Variants in USP43 observed in about 807,000 individuals in gnomAD.
The protein encoded by USP43 is ubiquitin carboxyl-terminal hydrolase 43.
In USP43, 33 loss-of-function variants were observed where a neutral mutation model predicts 90.7. That is an observed-to-expected ratio of 0.36 (90% confidence interval 0.28 to 0.49). USP43 has a LOEUF of 0.49. USP43 is among the 20% of genes least tolerant of loss of function. The probability of loss-of-function intolerance (pLI) is 0.98; values close to 1 mark genes in which losing one functional copy is unlikely to be tolerated. For synonymous variants in USP43, 598 were observed against 615.8 expected (o/e 0.97, Z 0.43); for missense variants, 1,274 against 1,476.4 (o/e 0.86, Z 2.25).
At chr17:9,717,205 T>C (rs1916627441) in intron 14 of USP43, among the ~76,000 whole-genome samples, 1 of 151,124 alleles carries the variant, frequency 6.6e-6, no homozygotes, top group Non-Finnish European at 1.5e-5. Flanking sequence ...ATAGTTTACA[T>C]GTTTACATTT....
intron 14 of USP43, among the ~76,000 whole-genome samples, chr17:9,714,841 A>G (rs2151996784): frequency 6.6e-6 from 1 of 152,272 alleles, no homozygotes; most frequent in East Asian, 1.9e-4. Flanking sequence ...TGAAAAAAAG[A>G]GAATCTTAAG....
intron 9 of USP43, among the ~76,000 whole-genome samples, chr17:9,699,037 A>G (rs1179000904): frequency 6.6e-6 from 1 of 152,168 alleles, no homozygotes; most frequent in Non-Finnish European, 1.5e-5. Context: ...AGAATGGAAT[A>G]TTTGTCACAT....
intron 14 of USP43, among the ~76,000 whole-genome samples, chr17:9,713,184 G>A (rs113313845): frequency 2.0e-5 from 3 of 152,178 alleles, no homozygotes; most frequent in African/African-American, 7.2e-5. Flanking sequence ...TGCCTCCCGG[G>A]TTCGAGCAAT....
intron 1 of USP43, among the ~76,000 whole-genome samples, chr17:9,655,753 A>G (rs1344125861): frequency 6.6e-6 from 1 of 152,224 alleles, no homozygotes; most frequent in Non-Finnish European, 1.5e-5. Context: ...CACTCAATGC[A>G]TATTTATCAA....
chr17:9,722,545 C>T (rs942416365), intron 14 of USP43, among the ~76,000 whole-genome samples: 5 of 152,128 alleles, frequency 3.3e-5, no homozygotes, highest in South Asian at 2.1e-4. Flanking sequence ...GAGCGAGTCG[C>T]GCTTTGTTTC....
intron 12 of USP43, among the ~76,000 whole-genome samples, chr17:9,702,444 A>T (rs1484072809): frequency 6.6e-6 from 1 of 152,210 alleles, no homozygotes; most frequent in African/African-American, 2.4e-5. Flanking sequence ...AGAGAGTGAC[A>T]TTCATTCTCA....
intron 7 of USP43, among the ~76,000 whole-genome samples, chr17:9,685,960 C>A (rs1163968921): frequency 2.6e-5 from 4 of 152,122 alleles, no homozygotes; most frequent in Admixed American, 6.5e-5. Context: ...TTTTCCTAGC[C>A]CCCACTGGCG....
At chr17:9,717,117 C>T (rs1916616464) in intron 14 of USP43, among the ~76,000 whole-genome samples, 1 of 150,404 alleles carries the variant, frequency 6.6e-6, no homozygotes, top group Non-Finnish European at 1.5e-5. Context: ...TAAGATGGTG[C>T]CACTGCACTC....
At chr17:9,660,251 A>C (rs1295704568) in intron 2 of USP43, among the ~76,000 whole-genome samples, 1 of 152,134 alleles carries the variant, frequency 6.6e-6, no homozygotes, top group African/African-American at 2.4e-5. Flanking sequence ...CCCGGGTTCA[A>C]GAGATTCTCC....
Position 9,701,196 on chromosome 17 carries a change from A to G in USP43, c.1613A>G (p.His538Arg), listed in dbSNP as rs1243905564. 1 of 1,581,430 alleles carries G rather than the reference A, an allele frequency of 6.3e-7. No individual in the cohort carries two copies. The highest frequency in any genetic ancestry group is 8.6e-7 in the Non-Finnish European group (1 of 1,162,500). ...VWQQQQAHQQ[H>R]SCTLDECFQF... ...CAGCAGCAGCAGGCGCATCAGCAGCACAGCTGTACCTTGGATGAATGTTTT... is the reference window on the plus strand; with the variant it reads ...CAGCAGCAGCAGGCGCATCAGCAGCGCAGCTGTACCTTGGATGAATGTTTT... Residue 538 changes from histidine (H) to arginine (R), a missense_variant, in exon 11 of 15, where the codon CAC (histidine) becomes CGC (arginine). By Grantham distance (29) the His-to-Arg change is conservative. Coordinates refer to ENST00000285199, the MANE Select transcript of USP43 (RefSeq NM_153210.5). The surrounding 1 kb of genome is among the most constrained non-coding windows in gnomAD (Gnocchi z 7.2).
At chr17:9,671,012 A>G (rs1913383409) in intron 3 of USP43, among the ~76,000 whole-genome samples, 1 of 152,040 alleles carries the variant, frequency 6.6e-6, no homozygotes, top group Admixed American at 6.6e-5. Flanking sequence ...CTTGCCTGGG[A>G]TGGCATCAGC....
intron 1 of USP43, among the ~76,000 whole-genome samples, chr17:9,646,714 A>G (rs1911429433): frequency 1.3e-5 from 2 of 152,184 alleles, no homozygotes. Flanking sequence ...AGATCACGTA[A>G]GACCTAGGAG....
At chr17:9,658,159 TA>T (rs1912391547) in intron 2 of USP43, among the ~76,000 whole-genome samples, 1 of 152,130 alleles carries the variant, frequency 6.6e-6, no homozygotes. Context: ...ATTAATCAAA[TA>T]AAAAAACCCT....
At chr17:9,713,018 T>C (rs927845493) in intron 14 of USP43, among the ~76,000 whole-genome samples, 7 of 152,182 alleles carry the variant, frequency 4.6e-5, no homozygotes, top group Admixed American at 6.5e-5. Context: ...TTTTGAAATA[T>C]ACAATATATT....
chr17:9,710,654 G>A (rs1308509709), intron 13 of USP43, among the ~76,000 whole-genome samples: 1 of 151,702 alleles, frequency 6.6e-6, no homozygotes, highest in Non-Finnish European at 1.5e-5. Flanking sequence ...ACAGGCACGT[G>A]CCACCACCAT....
intron 14 of USP43, among the ~76,000 whole-genome samples, chr17:9,724,446 G>A (rs1244879727): frequency 2.6e-5 from 4 of 152,164 alleles, no homozygotes; most frequent in African/African-American, 4.8e-5. Flanking sequence ...TTGAGAGGTC[G>A]AGGCGGGTGG....
rs1311049292 is a variant in USP43, at chr17:9,701,663, C to T, written c.1974C>T (p.Cys658=). ...TCCTGTACGACCTGTATGCCGTCTG[C>T]AACCACCATGGCAACCTGCAAGGTG... The part of the protein sequence containing the change: ...LDFLYDLYAV[C]NHHGNLQGGH... Residue 658 remains cysteine, a synonymous_variant, in exon 12 of 15, where the codon TGC becomes TGT. Coordinates refer to ENST00000285199, the MANE Select transcript of USP43 (RefSeq NM_153210.5). The surrounding 1 kb of genome is among the most constrained non-coding windows in gnomAD (Gnocchi z 7.2). The T allele has an allele frequency of 1.3e-6, 2 of 1,583,198 alleles. No individual in the cohort carries two copies. The highest frequency in any genetic ancestry group is 2.3e-5 in the East Asian group (1 of 43,430).
chr17:9,693,889 A>G (rs1460891451), intron 9 of USP43, among the ~76,000 whole-genome samples: 2 of 152,180 alleles, frequency 1.3e-5, no homozygotes, highest in African/African-American at 4.8e-5. Context: ...CAATTAGGTC[A>G]TGCTCCTGAA....
intron 13 of USP43, 64 bp from the exon 14 acceptor site, chr17:9,711,904 G>T: frequency 6.9e-7 from 1 of 1,457,938 alleles, no homozygotes; most frequent in East Asian, 2.5e-5. Flanking sequence ...GTTGTGAGAT[G>T]CTCCGCTAGG....
Sources: allele counts gnomAD v4.1 joint callset (sites outside exome capture counted in the v4.1 genomes callset), GRCh38; gene constraint gnomAD v4.1.1; non-coding constraint Gnocchi (gnomAD v3.1); transcripts MANE v1.5; gene names NCBI Gene and HGNC (gene_info 2026-07-23, HGNC 2026-07-21).